SPIDR: variants seen among roughly 807,000 people sequenced by gnomAD.
The protein encoded by SPIDR is DNA repair-scaffolding protein.
In SPIDR, 93 loss-of-function variants were observed where a neutral mutation model predicts 104.6. The ratio of observed to expected loss-of-function variants is 0.89; its 90% CI spans 0.75 to 1.06. SPIDR has a LOEUF of 1.06. SPIDR is among the 50% of genes least tolerant of loss of function. The pLI is 0.00. For missense variants in SPIDR, 1,154 were observed against 1,111.2 expected, an observed-to-expected ratio of 1.04 and a Z score of -0.55; for synonymous variants, 431 against 416.9, an observed-to-expected ratio of 1.03 and a Z score of -0.41.
At chr8:47,578,210 C>T (rs555335809) in intron 8 of SPIDR, among the ~76,000 whole-genome samples, 3 of 152,182 alleles carry the variant, frequency 2.0e-5, no homozygotes, top group Non-Finnish European at 1.5e-5. Context: ...CGGTGGCTCA[C>T]GCCTGTAATC....
At chr8:47,323,286 T>C (rs1554597979) in intron 5 of SPIDR, among the ~76,000 whole-genome samples, 1 of 152,174 alleles carries the variant, frequency 6.6e-6, no homozygotes, top group Non-Finnish European at 1.5e-5. Context: ...TCAGGGAACA[T>C]AGACCTGTGT....
chr8:47,408,086 A>AT lies in SPIDR; in HGVS notation c.877+127dup, dbSNP rs751485489. 1.7e-3 allele frequency: 814 copies of AT among 483,874 alleles called. 1 individual carries two copies. Among genetic ancestry groups the AT allele is most frequent in the Non-Finnish European group, 2.5e-3 (698 of 278,150 alleles). The allele number at this position is 483,874 out of a possible 1,614,324, so 30.0% of individuals were successfully genotyped here. On this transcript the variant is annotated intron_variant, in intron 7 of 19. Coordinates refer to ENST00000297423, the MANE Select transcript of SPIDR (RefSeq NM_001080394.4). ...TGACTTTTTAAAAATTTTTTCCAAC[A>AT]TTCTAATTTTAACATATAAAAACTA...
intron 10 of SPIDR, among the ~76,000 whole-genome samples, chr8:47,623,496 T>G (rs185579916): frequency 6.6e-6 from 1 of 152,110 alleles, no homozygotes; most frequent in Non-Finnish European, 1.5e-5. Flanking sequence ...GAAACCCATC[T>G]CACGTGCAGA....
intron 5 of SPIDR, among the ~76,000 whole-genome samples, chr8:47,349,839 G>A (rs1413996962): frequency 3.3e-5 from 5 of 152,220 alleles, no homozygotes; most frequent in African/African-American, 1.2e-4. Context: ...CGCAGTATTA[G>A]GGCGGGAGTG....
chr8:47,603,784 T>G (rs777296267), intron 10 of SPIDR, among the ~76,000 whole-genome samples: 31 of 152,344 alleles, frequency 2.0e-4, no homozygotes, highest in Middle Eastern at 3.4e-3. Context: ...GTTAGTCCTT[T>G]GCAAGAGGAC....
chr8:47,627,024 G>A (rs539068136), intron 10 of SPIDR, among the ~76,000 whole-genome samples: 4 of 152,318 alleles, frequency 2.6e-5, no homozygotes, highest in Admixed American at 2.6e-4. Context: ...TTAAGCAAAT[G>A]TGGCACATAT....
intron 16 of SPIDR, among the ~76,000 whole-genome samples, chr8:47,720,685 T>G (rs2083264617): frequency 6.6e-6 from 1 of 152,228 alleles, no homozygotes; most frequent in Admixed American, 6.5e-5. Context: ...TGTTGAGTTT[T>G]AAGTGTTAAC....
intron 8 of SPIDR, among the ~76,000 whole-genome samples, chr8:47,495,696 T>G (rs1387744083): frequency 3.3e-5 from 5 of 152,176 alleles, no homozygotes; most frequent in Non-Finnish European, 7.4e-5. Flanking sequence ...CTGTAATCTA[T>G]TTTGAGTTAA....
At chr8:47,697,927 G>A (rs1038646985) in intron 11 of SPIDR, 1 of 152,292 alleles carries the variant, frequency 6.6e-6, no homozygotes. Context: ...GCCAGACTAG[G>A]GACCTGGTGA....
chr8:47,414,415 A>G (rs2063946322), intron 7 of SPIDR, among the ~76,000 whole-genome samples: 1 of 152,206 alleles, frequency 6.6e-6, no homozygotes, highest in African/African-American at 2.4e-5. Context: ...GTTCCTTACA[A>G]TATCACTTCT....
chr8:47,279,486 A>T (rs2037286858), intron 1 of SPIDR: 1 of 167,476 alleles, frequency 6.0e-6, no homozygotes, highest in African/African-American at 2.4e-5. Flanking sequence ...CAGTTCTATC[A>T]GACACTGTTC....
At chr8:47,379,578 T>G (rs961785989) in intron 5 of SPIDR, among the ~76,000 whole-genome samples, 62 of 152,246 alleles carry the variant, frequency 4.1e-4, no homozygotes, top group African/African-American at 1.3e-3. Context: ...GATTAAAATA[T>G]AAGATTTTAG....
In SPIDR at chr8:47,365,556, G is replaced by A. The variant is rs77117513; in HGVS notation, c.526-30820G>A. Among the ~76,000 whole-genome samples, 353 of 152,264 alleles carry A rather than the reference G, an allele frequency of 2.3e-3. 1 individual carries two copies. The highest frequency in any genetic ancestry group is 4.2e-3 in the Non-Finnish European group (285 of 67,996). ...TCCTCTCTAGGCGGACTTTCAGATTGTTTCCCATCTTTTGCATGTGAAAAT... is the reference window on the plus strand; with the variant it reads ...TCCTCTCTAGGCGGACTTTCAGATTATTTCCCATCTTTTGCATGTGAAAAT... On this transcript the variant is annotated intron_variant, in intron 5 of 19. Transcript: ENST00000297423.
At chr8:47,440,146 A>G (rs78538938) in intron 7 of SPIDR, among the ~76,000 whole-genome samples, 177 bp from the exon 8 acceptor site, 141 of 152,336 alleles carry the variant, frequency 9.3e-4, no homozygotes, top group African/African-American at 3.3e-3. Context: ...TGATTAAAGA[A>G]AAGTGTTATA....
chr8:47,721,167 A>G (rs1368663865), intron 16 of SPIDR, among the ~76,000 whole-genome samples: 1 of 152,058 alleles, frequency 6.6e-6, no homozygotes, highest in African/African-American at 2.4e-5. Flanking sequence ...ACATCTAAAA[A>G]CTCATTGTAA....
chr8:47,430,930 G>T (rs139465300), intron 7 of SPIDR, among the ~76,000 whole-genome samples: 1 of 152,162 alleles, frequency 6.6e-6, no homozygotes, highest in Non-Finnish European at 1.5e-5. Flanking sequence ...TCGTATTCTC[G>T]ATACTCAGAG....
At position 47,460,234 on chromosome 8, in the gene SPIDR, T is replaced by G. The variant is rs189935696; in HGVS notation, c.1097+19692T>G. Among the ~76,000 whole-genome samples, 32 of 152,316 alleles carry G rather than the reference T, an allele frequency of 2.1e-4. No homozygotes were observed. In the Middle Eastern group the frequency reaches 0.024, roughly 113 times the overall value. On this transcript the variant is annotated intron_variant, in intron 8 of 19. Coordinates refer to ENST00000297423, the MANE Select transcript of SPIDR (RefSeq NM_001080394.4). ...CCTGTCTAGTCCTATCAGTGGAGTG[T>G]TGAAGTCCTCCACTATTATTTTTGT...
chr8:47,447,630 T>TAAA (rs2070920283), intron 8 of SPIDR, among the ~76,000 whole-genome samples: 1 of 151,906 alleles, frequency 6.6e-6, no homozygotes, highest in African/African-American at 2.4e-5. Flanking sequence ...CAGCATCAGG[T>TAAA]TTGAGAGGAT....
At chr8:47,299,042 G>A (rs2041493591) in intron 5 of SPIDR, among the ~76,000 whole-genome samples, 1 of 152,092 alleles carries the variant, frequency 6.6e-6, no homozygotes, top group Non-Finnish European at 1.5e-5. Flanking sequence ...AATTACCTTG[G>A]GCAGTGTGGC....
Sources: gnomAD v4.1 joint callset for allele counts (sites outside exome capture counted in the v4.1 genomes callset) on GRCh38, gnomAD v4.1.1 for gene constraint, MANE v1.5 for transcripts, NCBI Gene and HGNC (gene_info 2026-07-23, HGNC 2026-07-21) for gene names.